FBXO25: variants seen among roughly 807,000 people sequenced by gnomAD.
The protein encoded by FBXO25 is F-box only protein 25.
In FBXO25, 45 loss-of-function variants were observed where a neutral mutation model predicts 51.9. The observed-to-expected ratio is 0.87, with a 90% confidence interval of 0.68 to 1.11. FBXO25 has a LOEUF of 1.11. Among genes scored for constraint, FBXO25 ranks in the 50% most tolerant of loss-of-function variants. FBXO25 has a pLI of 0.00. For missense variants in FBXO25, 507 were observed against 428.5 expected (o/e 1.18, Z -1.62); for synonymous variants, 199 against 151.0 (o/e 1.32, Z -2.33).
intron 2 of FBXO25, among the ~76,000 whole-genome samples, chr8:414,870 CG>C (rs1796700367): frequency 6.6e-6 from 1 of 152,208 alleles, no homozygotes; most frequent in Admixed American, 6.5e-5. Flanking sequence ...TGGGATCCCC[CG>C]CCCTGCTTCC....
intron 1 of FBXO25, among the ~76,000 whole-genome samples, chr8:410,014 C>A (rs924393866): frequency 1.3e-5 from 2 of 152,140 alleles, no homozygotes; most frequent in African/African-American, 4.8e-5. Context: ...CTTATTCACC[C>A]ACCATTCCCA....
chr8:428,939 C>T (rs1389534310), intron 2 of FBXO25, among the ~76,000 whole-genome samples: 4 of 152,158 alleles, frequency 2.6e-5, no homozygotes, highest in Non-Finnish European at 4.4e-5. Context: ...ATCTATTCAT[C>T]CACTGATGGA....
intron 1 of FBXO25, among the ~76,000 whole-genome samples, chr8:412,107 G>A (rs1393341280): frequency 6.6e-6 from 1 of 152,212 alleles, no homozygotes; most frequent in African/African-American, 2.4e-5. Flanking sequence ...TGAGCGTCAT[G>A]AAGTTAATCA....
Position 470,976 on chromosome 8 carries a change from A to T in FBXO25, c.*2172A>T, listed in dbSNP as rs1382969186. 6.6e-6 allele frequency: 1 copy of T among 152,104 alleles called. No individual in the cohort carries two copies. The highest frequency in any genetic ancestry group is 1.5e-5 in the Non-Finnish European group (1 of 68,020). The allele number at this position is 152,104 out of a possible 1,614,324, so 9.4% of individuals were successfully genotyped here. ...TTTTGAAGTTGTGGTTCTTTCCCCT[A>T]ATTTGTCATATACTGTTACTGTCAT... is the stretch of plus-strand genomic sequence containing the variant. On this transcript the variant is annotated 3_prime_UTR_variant, in exon 10 of 10. Coordinates refer to ENST00000350302, the MANE Select transcript of FBXO25 (RefSeq NM_183420.2).
At chr8:442,028 T>G (rs933356098) in intron 5 of FBXO25, among the ~76,000 whole-genome samples, 3 of 152,170 alleles carry the variant, frequency 2.0e-5, no homozygotes, top group African/African-American at 7.2e-5. Context: ...ACCTGGCAAA[T>G]TAGATGGAAC....
chr8:431,970 CTG>C (rs1399496740), intron 3 of FBXO25, among the ~76,000 whole-genome samples: 17 of 152,174 alleles, frequency 1.1e-4, no homozygotes, highest in Non-Finnish European at 2.1e-4. Context: ...ATGCCTGAAA[CTG>C]TGGATACTAC....
At chr8:462,695 C>G (rs1178034116) in intron 8 of FBXO25, among the ~76,000 whole-genome samples, 1 of 152,046 alleles carries the variant, frequency 6.6e-6, no homozygotes, top group Admixed American at 6.5e-5. Flanking sequence ...AGGTAAGCCA[C>G]GGGTACACAA....
chr8:436,577 C>T (rs1798115616), intron 5 of FBXO25, among the ~76,000 whole-genome samples: 1 of 152,174 alleles, frequency 6.6e-6, no homozygotes, highest in Non-Finnish European at 1.5e-5. Context: ...GAAGCCCAGC[C>T]ACCACATGCA....
At chr8:414,838 C>G (rs1353756242) in intron 2 of FBXO25, among the ~76,000 whole-genome samples, 2 of 152,176 alleles carry the variant, frequency 1.3e-5, no homozygotes, top group Admixed American at 6.5e-5. Flanking sequence ...ACCTTTTACC[C>G]CACCTAGTTG....
intron 5 of FBXO25, among the ~76,000 whole-genome samples, chr8:444,641 T>C (rs1349109274): frequency 1.3e-5 from 2 of 152,234 alleles, no homozygotes; most frequent in Non-Finnish European, 2.9e-5. Flanking sequence ...TTGTTTAGAA[T>C]TGTCAGATTT....
At chr8:464,529 G>A (rs1800027382) in intron 9 of FBXO25, among the ~76,000 whole-genome samples, 1 of 152,224 alleles carries the variant, frequency 6.6e-6, no homozygotes, top group Non-Finnish European at 1.5e-5. Context: ...CTAGGGAGAT[G>A]AGGCTTTTGC....
intron 5 of FBXO25, among the ~76,000 whole-genome samples, chr8:439,500 C>T (rs1267451021): frequency 6.6e-6 from 1 of 152,226 alleles, no homozygotes; most frequent in African/African-American, 2.4e-5. Context: ...TCATTCTCTG[C>T]CTGTGGTGGA....
chr8:468,043 A>G, intron 9 of FBXO25: 1 of 1,271,742 alleles, frequency 7.9e-7, no homozygotes, highest in South Asian at 1.9e-5. Flanking sequence ...AGGGCATGCC[A>G]TGGAGAGATC....
At chr8:426,189 G>A (rs964390223) in intron 2 of FBXO25, among the ~76,000 whole-genome samples, 74 of 152,182 alleles carry the variant, frequency 4.9e-4, no homozygotes, top group African/African-American at 1.5e-3. Flanking sequence ...TAGTCATTTT[G>A]GTTTCCGGAG....
At position 476,694 on chromosome 8, in the gene FBXO25, G is replaced by A. The variant is rs1200926132; in HGVS notation, c.*7890G>A. ...TTATTTCTGTAAAATCAGTTGTAATGTCTCCTCCTGGTTTTTAGTTGTTTT... is the reference window on the plus strand; with the variant it reads ...TTATTTCTGTAAAATCAGTTGTAATATCTCCTCCTGGTTTTTAGTTGTTTT... On this transcript the variant is annotated 3_prime_UTR_variant, in exon 10 of 10. Transcript: ENST00000350302. The A allele has an allele frequency of 6.6e-6, 1 of 152,054 alleles. No homozygotes were observed. Among genetic ancestry groups the A allele is most frequent in the East Asian group, 1.9e-4 (1 of 5,198 alleles). The allele number at this position is 152,054 out of a possible 1,614,324, so 9.4% of individuals were successfully genotyped here.
chr8:408,987 A>G (rs1451672960), intron 1 of FBXO25, among the ~76,000 whole-genome samples: 4 of 152,240 alleles, frequency 2.6e-5, no homozygotes, highest in African/African-American at 9.6e-5. Flanking sequence ...AAATAAGCGT[A>G]TAAAGCTCTA....
rs761994781 is a variant in FBXO25 at position 450,064 on chromosome 8, G to A, written c.456G>A (p.Leu152=). The A allele has an allele frequency of 1.9e-6, 3 of 1,611,620 alleles. No homozygotes were observed. The highest frequency in any genetic ancestry group is 1.3e-5 in the African/African-American group (1 of 74,764). ...CACAGAAGAATTACTTCAACATTTTGGATAAAATCGTTCAAAAGGGTAAGA... is the reference window on the plus strand; with the variant it reads ...CACAGAAGAATTACTTCAACATTTTAGATAAAATCGTTCAAAAGGGTAAGA... ...GVAQKNYFNI[L]DKIVQKVLDD... Residue 152 remains leucine (L), a synonymous_variant, in exon 6 of 10, where the codon TTG becomes TTA. Transcript: ENST00000350302.
chr8:468,934 C>A lies in FBXO25; in HGVS notation c.*130C>A. On this transcript the variant is annotated 3_prime_UTR_variant, in exon 10 of 10. Coordinates refer to ENST00000350302, the MANE Select transcript of FBXO25 (RefSeq NM_183420.2). ...CTTCCAGAAAGCCTGGGAAGAACTG[C>A]CCTTCTGCAAAGGGGGGACTGCATG... 2.5e-6 allele frequency: 2 copies of A among 797,230 alleles called. No homozygotes were observed. Among genetic ancestry groups the A allele is most frequent in the Non-Finnish European group, 1.9e-6 (1 of 515,036 alleles). 49.4% of individuals were successfully genotyped at this position (797,230 alleles called of 1,614,324 possible).
At chr8:436,454 A>C (rs1386635577) in intron 5 of FBXO25, among the ~76,000 whole-genome samples, 3 of 152,212 alleles carry the variant, frequency 2.0e-5, no homozygotes, top group African/African-American at 7.2e-5. Context: ...TTAGGGAGTT[A>C]AATAATTGTA....
Sources: allele counts gnomAD v4.1 joint callset (sites outside exome capture counted in the v4.1 genomes callset), GRCh38; gene constraint gnomAD v4.1.1; transcripts MANE v1.5; gene names NCBI Gene and HGNC (gene_info 2026-07-23, HGNC 2026-07-21).